Variants in CSMD1 observed in about 807,000 individuals in gnomAD.
The protein encoded by CSMD1 is CUB and sushi domain-containing protein 1.
Under a neutral mutation model 417.5 loss-of-function variants are expected in CSMD1, and 213 were observed. The observed-to-expected ratio is 0.51, with a 90% confidence interval of 0.46 to 0.57. The LOEUF is 0.57. CSMD1 is among the 20% of genes least tolerant of loss of function. CSMD1 has a pLI of 0.00. For synonymous variants in CSMD1, 2,862 were observed against 1,736.8 expected (o/e 1.65, Z -16.11); for missense variants, 6,923 against 4,529.7 (o/e 1.53, Z -15.17).
chr8:3,293,912 T>C (rs1584944989), intron 25 of CSMD1, among the ~76,000 whole-genome samples: 2 of 152,282 alleles, frequency 1.3e-5, no homozygotes, highest in East Asian at 3.9e-4. Context: ...TTCTGATTTT[T>C]AGTTTGCAGT....
intron 3 of CSMD1, among the ~76,000 whole-genome samples, chr8:4,150,894 A>C (rs57493182): frequency 0.99 from 150,677 of 152,270 alleles, 74,563 homozygotes; most frequent in Middle Eastern, 1. Flanking sequence ...AACGCCTGAG[A>C]AAGAGCAATG....
intron 3 of CSMD1, among the ~76,000 whole-genome samples, chr8:4,261,409 G>A (rs796228934): frequency 8.5e-5 from 13 of 152,294 alleles, no homozygotes; most frequent in African/African-American, 2.9e-4. Flanking sequence ...AGGGGCTGGG[G>A]AGAGGGGAAA....
chr8:4,058,456 G>C (rs1798809564), intron 3 of CSMD1, among the ~76,000 whole-genome samples: 2 of 152,080 alleles, frequency 1.3e-5, no homozygotes, highest in Admixed American at 6.6e-5. Flanking sequence ...GGGTTTTCCA[G>C]ATACACAATC....
Position 3,151,466 on chromosome 8 carries a change from G to A in CSMD1, c.5962C>T (p.Pro1988Ser), listed in dbSNP as rs897619461. ...TTGGGGTAAGAACCTGGGAAGCCGG[G>A]GCTCAGGATCACACCACCCAAGGTG... Reference protein sequence around the residue: ...LSTLGGVILSPGFPGSYPNNL... With the variant: ...LSTLGGVILSSGFPGSYPNNL... The change falls in exon 40 of 70, where the codon CCC (proline) becomes TCC (serine). Residue 1988 changes from proline to serine, a missense_variant. Coordinates refer to ENST00000635120, the MANE Select transcript of CSMD1 (RefSeq NM_033225.6). 6.2e-7 allele frequency: 1 copy of A among 1,613,806 alleles called. No individual in the cohort carries two copies. Among genetic ancestry groups the A allele is most frequent in the African/African-American group, 1.3e-5 (1 of 75,030 alleles).
chr8:3,438,045 A>G (rs1814690674), intron 12 of CSMD1, among the ~76,000 whole-genome samples: 1 of 152,198 alleles, frequency 6.6e-6, no homozygotes, highest in Admixed American at 6.5e-5. Context: ...TTGTACAAAT[A>G]AGAATTAAGT....
intron 3 of CSMD1, among the ~76,000 whole-genome samples, chr8:4,326,568 G>C (rs748893260): frequency 6.6e-6 from 1 of 152,226 alleles, no homozygotes; most frequent in Non-Finnish European, 1.5e-5. Flanking sequence ...GTGAACGTTA[G>C]AAGCAATTCC....
intron 3 of CSMD1, among the ~76,000 whole-genome samples, chr8:4,326,432 C>T (rs1287194872): frequency 6.6e-6 from 1 of 152,024 alleles, no homozygotes; most frequent in African/African-American, 2.4e-5. Flanking sequence ...AATTAGGCAG[C>T]TACTGAGCAA....
At chr8:4,729,358 G>A (rs1809697927) in intron 1 of CSMD1, among the ~76,000 whole-genome samples, 1 of 152,192 alleles carries the variant, frequency 6.6e-6, no homozygotes, top group African/African-American at 2.4e-5. Context: ...GTAACTGATT[G>A]CAGTAGGTTC....
At chr8:4,482,528 C>T (rs1222577758) in intron 2 of CSMD1, among the ~76,000 whole-genome samples, 8 of 152,194 alleles carry the variant, frequency 5.3e-5, no homozygotes, top group Admixed American at 3.3e-4. Context: ...CATGTCTTTG[C>T]TATTGTGAAT....
At chr8:4,717,113 C>G (rs34135903) in intron 1 of CSMD1, among the ~76,000 whole-genome samples, 70,817 of 151,238 alleles carry the variant, frequency 0.47, 19,739 homozygotes, top group East Asian at 0.7. Flanking sequence ...CTATTTTTTT[C>G]TAATCATGAG....
chr8:4,573,681 C>T (rs1419200772), intron 2 of CSMD1, among the ~76,000 whole-genome samples: 1 of 152,090 alleles, frequency 6.6e-6, no homozygotes. Context: ...TCTTCAGAGC[C>T]AGCAGGCAGA....
At chr8:4,879,161 A>C (rs1336141587) in intron 1 of CSMD1, among the ~76,000 whole-genome samples, 4 of 152,090 alleles carry the variant, frequency 2.6e-5, no homozygotes, top group African/African-American at 9.7e-5. Context: ...TAAAAAATAT[A>C]ATAAAGGAAG....
At chr8:4,903,801 T>C (rs1212857568) in intron 1 of CSMD1, among the ~76,000 whole-genome samples, 1 of 152,178 alleles carries the variant, frequency 6.6e-6, no homozygotes, top group Non-Finnish European at 1.5e-5. Flanking sequence ...GGACCTACTG[T>C]TAGCCTGGCT....
At chr8:2,973,383 A>G (rs1804631707) in intron 56 of CSMD1, 84 bp from the exon 57 acceptor site, 3 of 1,374,660 alleles carry the variant, frequency 2.2e-6, no homozygotes, top group Non-Finnish European at 3.0e-6. Context: ...GATAATGAAA[A>G]GTTGTTGAAA....
intron 2 of CSMD1, among the ~76,000 whole-genome samples, chr8:4,595,841 C>T (rs1291655528): frequency 6.6e-6 from 1 of 152,222 alleles, no homozygotes; most frequent in Non-Finnish European, 1.5e-5. Flanking sequence ...TTCCTGGACA[C>T]TGACACGTCT....
At chr8:3,554,273 G>C (rs1005456140) in intron 10 of CSMD1, among the ~76,000 whole-genome samples, 1 of 152,228 alleles carries the variant, frequency 6.6e-6, no homozygotes, top group African/African-American at 2.4e-5. Flanking sequence ...ATTTGGAAGT[G>C]GTAGGGAATA....
intron 25 of CSMD1, among the ~76,000 whole-genome samples, chr8:3,306,675 T>C (rs1359812493): frequency 6.6e-6 from 1 of 152,264 alleles, no homozygotes; most frequent in African/African-American, 2.4e-5. Flanking sequence ...GAAAGGTTAA[T>C]TGAAGGAAAA....
chr8:3,910,258 C>T (rs903926486), intron 5 of CSMD1, among the ~76,000 whole-genome samples: 4 of 152,062 alleles, frequency 2.6e-5, no homozygotes, highest in African/African-American at 4.8e-5. Context: ...ATGTCAGAGG[C>T]GTTTCCCAGC....
intron 7 of CSMD1, among the ~76,000 whole-genome samples, chr8:3,653,710 G>A (rs1797969091): frequency 1.3e-5 from 2 of 152,166 alleles, no homozygotes; most frequent in South Asian, 2.1e-4. Flanking sequence ...CCTCCTTTGA[G>A]GAATGAGGAC....
Sources: gnomAD v4.1 joint callset for allele counts (sites outside exome capture counted in the v4.1 genomes callset) on GRCh38, gnomAD v4.1.1 for gene constraint, MANE v1.5 for transcripts, NCBI Gene and HGNC (gene_info 2026-07-23, HGNC 2026-07-21) for gene names.